The following LTBP2 variants were observed in gnomAD, a reference collection of about 807,000 sequenced individuals.
LTBP2 encodes the protein latent transforming growth factor beta binding protein 2.
In LTBP2, 103 loss-of-function variants were observed where a neutral mutation model predicts 210.6. That is an observed-to-expected ratio of 0.49 (90% CI 0.42 to 0.58). The LOEUF is 0.58. LTBP2 is among the 20% of genes least tolerant of loss of function. LTBP2 has a pLI of 0.00. For synonymous variants in LTBP2, 1,007 were observed against 1,015.0 expected (o/e 0.99, Z 0.15); for missense variants, 2,313 against 2,494.5 (o/e 0.93, Z 1.55).
Position 74,498,828 on chromosome 14 carries a change from A to G in LTBP2, c.*2056T>C, listed in dbSNP as rs1313615819. On this transcript the variant is annotated 3_prime_UTR_variant, in exon 36 of 36. Coordinates refer to ENST00000261978, the MANE Select transcript of LTBP2 (RefSeq NM_000428.3). ...GTGTTATGTTACATGCTGTTATGCA[A>G]CCCTCCCTTTTCCCCTTAATTTGTT... 8.7e-6 allele frequency: 2 copies of G among 229,762 alleles called. No individual in the cohort carries two copies. The highest frequency in any genetic ancestry group is 2.2e-5 in the African/African-American group (1 of 45,110). The allele number at this position is 229,762 out of a possible 1,614,324, so 14.2% of individuals were successfully genotyped here.
At chr14:74,550,221 T>G (rs966999976) in intron 7 of LTBP2, among the ~76,000 whole-genome samples, 1 of 152,202 alleles carries the variant, frequency 6.6e-6, no homozygotes, top group African/African-American at 2.4e-5. Context: ...TGTGCGGGGC[T>G]GCAAACCACC....
chr14:74,552,338 G>A lies in LTBP2; in HGVS notation c.1248C>T (p.Cys416=). The stretch of plus-strand genomic sequence containing the variant: ...TCCCGGTGGAGTTGGCGGGGCACCA[G>A]CATTCGTCCCTGCCGATGCAGCGGC... ...NGGRCIGRDE[C]WCPANSTGKF... Residue 416 remains cysteine (C), a synonymous_variant, in exon 6 of 36, where the codon TGC becomes TGT. Coordinates refer to ENST00000261978, the MANE Select transcript of LTBP2 (RefSeq NM_000428.3). 1 of 1,612,034 alleles carries A rather than the reference G, an allele frequency of 6.2e-7. No individual in the cohort carries two copies. Among genetic ancestry groups the A allele is most frequent in the Non-Finnish European group, 8.5e-7 (1 of 1,180,012 alleles).
chr14:74,508,771 G>T (rs776264119), intron 23 of LTBP2, 42 bp from the exon 24 acceptor site: 30 of 1,613,284 alleles, frequency 1.9e-5, no homozygotes, highest in Non-Finnish European at 2.5e-5. Context: ...CTGGGGATGT[G>T]CCTGCCTCCC....
At chr14:74,531,662 G>T (rs862027) in intron 10 of LTBP2, among the ~76,000 whole-genome samples, 47,666 of 152,146 alleles carry the variant, frequency 0.31, 8,546 homozygotes, top group African/African-American at 0.48. Flanking sequence ...GGGCTTGGCC[G>T]GTTGCAGGGA....
chr14:74,598,524 T>G (rs1035456538), intron 2 of LTBP2, among the ~76,000 whole-genome samples: 5 of 152,234 alleles, frequency 3.3e-5, no homozygotes, highest in Admixed American at 1.3e-4. Context: ...TGCTGCCTGC[T>G]GAGGGTGGTG....
chr14:74,571,750 CACTCGCGGGT>C (rs2087981559), intron 3 of LTBP2, among the ~76,000 whole-genome samples: 1 of 152,336 alleles, frequency 6.6e-6, no homozygotes, highest in South Asian at 2.1e-4. Flanking sequence ...CTGCTGCGGG[CACTCGCGGGT>C]GGACATGTTA....
intron 10 of LTBP2, among the ~76,000 whole-genome samples, chr14:74,530,246 G>A (rs1270450375): frequency 5.9e-5 from 9 of 152,256 alleles, no homozygotes; most frequent in African/African-American, 2.2e-4. Context: ...TGGTTACAGT[G>A]ATTGGGTCAG....
intron 1 of LTBP2, among the ~76,000 whole-genome samples, chr14:74,610,367 A>C (rs1392926818): frequency 6.6e-6 from 1 of 152,120 alleles, no homozygotes; most frequent in Non-Finnish European, 1.5e-5. Context: ...GCTCCAGCCA[A>C]GGAAAACAGA....
intron 19 of LTBP2, among the ~76,000 whole-genome samples, chr14:74,510,630 G>A (rs1032394651): frequency 2.6e-5 from 4 of 152,226 alleles, no homozygotes; most frequent in East Asian, 1.9e-4. Flanking sequence ...GCGGGTGGGC[G>A]GGCAGCGTGG....
chr14:74,556,302 T>C (rs1422873589), intron 3 of LTBP2, among the ~76,000 whole-genome samples: 1 of 152,228 alleles, frequency 6.6e-6, no homozygotes, highest in African/African-American at 2.4e-5. Context: ...CATATTTTCT[T>C]TCAACCTTTG....
At chr14:74,528,222 G>C (rs539648446) in intron 12 of LTBP2, among the ~76,000 whole-genome samples, 1 of 152,220 alleles carries the variant, frequency 6.6e-6, no homozygotes. Flanking sequence ...GCTGGGGTGG[G>C]GGCTGCGGCT....
Position 74,611,469 on chromosome 14 carries a change from G to A in LTBP2, c.476C>T (p.Pro159Leu), listed in dbSNP as rs201089990. 53 of 1,493,490 alleles carry A rather than the reference G, an allele frequency of 3.5e-5. No homozygotes were observed. Among genetic ancestry groups the A allele is most frequent in the Non-Finnish European group, 4.4e-5 (50 of 1,133,852 alleles). 92.5% of individuals were successfully genotyped at this position (1,493,490 alleles called of 1,614,324 possible). ...TGCTCACCCCGTGAGCCGCCCTCGC[G>A]GCGGGGTTGGGGGCGCAGCCCCAGA... The part of the protein sequence containing the change: ...QRSGAAPPTP[P>L]RGRLTGRNVC... The change falls in exon 1 of 36, where the codon CCG becomes CTG. Residue 159 changes from proline to leucine, a missense_variant. Coordinates refer to ENST00000261978, the MANE Select transcript of LTBP2 (RefSeq NM_000428.3).
chr14:74,575,160 C>T (rs1057125256), intron 3 of LTBP2, among the ~76,000 whole-genome samples: 2 of 152,242 alleles, frequency 1.3e-5, no homozygotes, highest in East Asian at 3.8e-4. Context: ...GCTACATCTG[C>T]CCAGAGCTGG....
chr14:74,553,096 G>A, intron 4 of LTBP2, 34 bp from the exon 5 acceptor site: 3 of 1,607,818 alleles, frequency 1.9e-6, no homozygotes, highest in Non-Finnish European at 2.6e-6. Context: ...AGGGGGCAGG[G>A]CTGAGAGGCA....
intron 2 of LTBP2, among the ~76,000 whole-genome samples, chr14:74,592,891 G>A (rs549707001): frequency 1.3e-5 from 2 of 152,026 alleles, no homozygotes; most frequent in East Asian, 1.9e-4. Context: ...AAGCCTCCTC[G>A]CTTGCCAATG....
At chr14:74,578,690 G>A (rs1302293457) in intron 3 of LTBP2, among the ~76,000 whole-genome samples, 2 of 152,278 alleles carry the variant, frequency 1.3e-5, no homozygotes, top group African/African-American at 2.4e-5. Context: ...ATCATCAGCA[G>A]ACCTGTCCAC....
chr14:74,522,461 G>C (rs866898053), intron 16 of LTBP2, among the ~76,000 whole-genome samples: 4 of 152,130 alleles, frequency 2.6e-5, no homozygotes, highest in Non-Finnish European at 5.9e-5. Context: ...GCAGTCCTGG[G>C]TGTGCTCTCC....
At chr14:74,580,782 A>G (rs1316191427) in intron 3 of LTBP2, among the ~76,000 whole-genome samples, 2 of 152,164 alleles carry the variant, frequency 1.3e-5, no homozygotes, top group Non-Finnish European at 2.9e-5. Flanking sequence ...CAACATGGTG[A>G]AACCACGTCT....
chr14:74,584,414 CT>C (rs954396752), intron 3 of LTBP2, among the ~76,000 whole-genome samples: 1 of 152,150 alleles, frequency 6.6e-6, no homozygotes, highest in Non-Finnish European at 1.5e-5. Context: ...GGGGGAAGCT[CT>C]GCTGGAAGGA....
Sources: allele counts gnomAD v4.1 joint callset (sites outside exome capture counted in the v4.1 genomes callset), GRCh38; gene constraint gnomAD v4.1.1; transcripts MANE v1.5; gene names NCBI Gene and HGNC (gene_info 2026-07-23, HGNC 2026-07-21).